WDR41: variants seen among roughly 807,000 people sequenced by gnomAD.
The protein encoded by WDR41 is WD repeat-containing protein 41.
In WDR41, 63 loss-of-function variants were observed where a neutral mutation model predicts 69.3. The observed-to-expected ratio is 0.91, with a 90% CI of 0.74 to 1.12. The LOEUF (loss-of-function observed/expected upper bound fraction) is 1.12, where lower values mean the gene tolerates loss of function less well. Ranked by LOEUF, WDR41 falls within the 50% of genes most tolerant of loss-of-function variation. WDR41 has a pLI of 0.00. For synonymous variants in WDR41, 185 were observed against 192.1 expected, an observed-to-expected ratio of 0.96 and a Z score of 0.31; for missense variants, 543 against 534.5, an observed-to-expected ratio of 1.02 and a Z score of -0.16.
intron 1 of WDR41, among the ~76,000 whole-genome samples, chr5:77,512,981 G>C (rs529369359): frequency 4.9e-4 from 74 of 152,230 alleles, no homozygotes; most frequent in African/African-American, 1.7e-3. Context: ...GATTAAGACG[G>C]AATGAAAAGG....
chr5:77,434,062 G>C (rs999085987), intron 12 of WDR41, among the ~76,000 whole-genome samples: 4 of 152,230 alleles, frequency 2.6e-5, no homozygotes, highest in Admixed American at 6.5e-5. Context: ...GGGCGTGGTG[G>C]CTCACACCTG....
At chr5:77,523,123 G>A (rs1802395023) in intron 1 of WDR41, among the ~76,000 whole-genome samples, 1 of 151,974 alleles carries the variant, frequency 6.6e-6, no homozygotes, top group Non-Finnish European at 1.5e-5. Context: ...AGACCAACCT[G>A]GCCAACATAG....
chr5:77,526,393 T>C (rs1375852338), intron 1 of WDR41, among the ~76,000 whole-genome samples: 3 of 152,146 alleles, frequency 2.0e-5, no homozygotes, highest in East Asian at 1.9e-4. Context: ...ATGTTCAAGT[T>C]TCCTTATTTG....
chr5:77,564,152 A>T (rs1743573570), intron 1 of WDR41, among the ~76,000 whole-genome samples: 1 of 152,218 alleles, frequency 6.6e-6, no homozygotes, highest in African/African-American at 2.4e-5. Context: ...AACTTCATCC[A>T]TCCCCTAAAA....
At chr5:77,598,631 A>T (rs1390262670) in intron 1 of WDR41, among the ~76,000 whole-genome samples, 2 of 150,716 alleles carry the variant, frequency 1.3e-5, no homozygotes, top group East Asian at 4.0e-4. Context: ...AGTTATGTGA[A>T]TCAGTAAGTT....
At chr5:77,609,412 G>A (rs1744496638) in intron 1 of WDR41, among the ~76,000 whole-genome samples, 1 of 152,176 alleles carries the variant, frequency 6.6e-6, no homozygotes, top group Non-Finnish European at 1.5e-5. Context: ...CCCCCCAGTA[G>A]GGGCAGACTG....
intron 1 of WDR41, among the ~76,000 whole-genome samples, chr5:77,534,930 A>G (rs1742940272): frequency 6.6e-6 from 1 of 152,208 alleles, no homozygotes; most frequent in Non-Finnish European, 1.5e-5. Context: ...TAAAATGTGT[A>G]CAAATTAAGA....
At chr5:77,552,253 C>G (rs1440166531) in intron 1 of WDR41, among the ~76,000 whole-genome samples, 2 of 151,776 alleles carry the variant, frequency 1.3e-5, no homozygotes, top group Non-Finnish European at 2.9e-5. Context: ...TAACAGTGAA[C>G]ATGCGGAAGC....
At position 77,611,009 on chromosome 5, in the gene WDR41, G is replaced by C. The variant is rs1004424052; in HGVS notation, c.42+9470C>G. Among the ~76,000 whole-genome samples, 19 of 152,286 alleles carry C rather than the reference G, an allele frequency of 1.2e-4. 1 individual carries two copies. The highest frequency in any genetic ancestry group is 1.0e-3 in the South Asian group (5 of 4,816). On this transcript the variant is annotated intron_variant, in intron 1 of 5. Coordinates refer to the WDR41 transcript ENST00000509971. ...AAAAAAGGCAGGGGTTGCAATCCTA[G>C]TCTCTGATAAAACAGACTTTAAACC...
In WDR41 at chr5:77,431,686, G is replaced by A. The variant is rs1798727651; in HGVS notation, c.*1449C>T. ...ACAGGCTAGGAAGTAAAACAGTTAA[G>A]TCTATGGCTCCCTTGTGTCATACAA... On this transcript the variant is annotated 3_prime_UTR_variant, in exon 13 of 13. Coordinates refer to ENST00000296679, the MANE Select transcript of WDR41 (RefSeq NM_018268.4). The A allele has an allele frequency of 6.6e-6, 1 of 152,178 alleles. No individual in the cohort carries two copies. Among genetic ancestry groups the A allele is most frequent in the South Asian group, 2.1e-4 (1 of 4,820 alleles). The allele number at this position is 152,178 out of a possible 1,614,324, so 9.4% of individuals were successfully genotyped here. A position where few individuals can be genotyped will look rare whatever the true frequency, so the allele number is the denominator to read the frequency against.
chr5:77,463,267 A>C (rs1413535722), intron 3 of WDR41, 41 bp from the exon 4 acceptor site: 1 of 1,560,708 alleles, frequency 6.4e-7, no homozygotes, highest in South Asian at 1.2e-5. Context: ...TAGCTTTCAC[A>C]ATTTAGATAA....
At chr5:77,438,391 A>G in intron 9 of WDR41, 30 bp from the exon 10 acceptor site, 1 of 1,612,170 alleles carries the variant, frequency 6.2e-7, no homozygotes, top group Non-Finnish European at 8.5e-7. Flanking sequence ...AATGGGCATA[A>G]AACTAGCACT....
At chr5:77,483,512 G>GTT (rs1561197390) in intron 2 of WDR41, among the ~76,000 whole-genome samples, 1 of 148,116 alleles carries the variant, frequency 6.8e-6, no homozygotes, top group Non-Finnish European at 1.5e-5. Flanking sequence ...GTGTGTGTGT[G>GTT]TGTGTGTGTG....
intron 1 of WDR41, among the ~76,000 whole-genome samples, chr5:77,507,001 G>A (rs1802118926): frequency 6.6e-6 from 1 of 152,136 alleles, no homozygotes; most frequent in African/African-American, 2.4e-5. Flanking sequence ...AAACCTGCAC[G>A]TTGTGCACAT....
At chr5:77,549,764 A>C (rs540957970) in intron 1 of WDR41, among the ~76,000 whole-genome samples, 1 of 152,106 alleles carries the variant, frequency 6.6e-6, no homozygotes, top group African/African-American at 2.4e-5. Flanking sequence ...AATTAGAAAA[A>C]ACTTCTGAAA....
rs1312121510 is a variant in WDR41 at position 77,432,304 on chromosome 5, G to C, written c.*831C>G. 1 of 152,206 alleles carries C rather than the reference G, an allele frequency of 6.6e-6. No homozygotes were observed. Among genetic ancestry groups the C allele is most frequent in the East Asian group, 1.9e-4 (1 of 5,190 alleles). The allele number at this position is 152,206 out of a possible 1,614,324, so 9.4% of individuals were successfully genotyped here. On this transcript the variant is annotated 3_prime_UTR_variant, in exon 13 of 13. Transcript: ENST00000296679. ...GAGAAAACATATTGTTACAAGGCTG[G>C]TTATAGTGTCTCAATGGACACTGCA...
intron 1 of WDR41, among the ~76,000 whole-genome samples, chr5:77,610,558 C>T (rs1174128876): frequency 1.3e-5 from 2 of 151,544 alleles, no homozygotes; most frequent in Admixed American, 6.6e-5. Flanking sequence ...CCAAACTAAG[C>T]TTCATAAGTG....
intron 5 of WDR41, among the ~76,000 whole-genome samples, chr5:77,454,815 G>A (rs1332860042): frequency 2.0e-5 from 3 of 152,166 alleles, no homozygotes; most frequent in African/African-American, 4.8e-5. Flanking sequence ...GTCCTACCCT[G>A]TCTAATCTCT....
At chr5:77,519,899 A>G (rs926364245) in intron 1 of WDR41, among the ~76,000 whole-genome samples, 9 of 151,618 alleles carry the variant, frequency 5.9e-5, no homozygotes, top group African/African-American at 2.2e-4. Context: ...TTTTTAAATT[A>G]TTCTTAATAA....
Sources: allele counts gnomAD v4.1 joint callset (sites outside exome capture counted in the v4.1 genomes callset), GRCh38; gene constraint gnomAD v4.1.1; transcripts MANE v1.5; gene names NCBI Gene and HGNC (gene_info 2026-07-23, HGNC 2026-07-21).